NPY4R: variants seen among roughly 807,000 people sequenced by gnomAD.
NPY4R encodes neuropeptide Y receptor type 4.
A neutral mutation model predicts 11.9 loss-of-function variants in NPY4R; 2 were observed. The ratio of observed to expected loss-of-function variants is 0.17; its 90% confidence interval spans 0.07 to 0.53. The LOEUF is 0.53. NPY4R is among the 20% of genes least tolerant of loss of function. NPY4R has a pLI of 0.94. For missense variants in NPY4R, 26 were observed against 280.2 expected (o/e 0.09, Z 6.48); for synonymous variants, 8 against 121.7 (o/e 0.07, Z 6.15).
At chr10:46,464,320 G>A in intron 1 of NPY4R, among the ~76,000 whole-genome samples, 2 of 136,982 alleles carry the variant, frequency 1.5e-5, no homozygotes, top group South Asian at 2.3e-4. Flanking sequence ...AGTCAGCAGA[G>A]AGTGCACCAC....
At chr10:46,466,118 C>T (rs1250476602), upstream of NPY4R, among the ~76,000 whole-genome samples, 2 of 147,310 alleles carry the variant, frequency 1.4e-5, no homozygotes, top group African/African-American at 4.9e-5. Flanking sequence ...GCCCTGCCTG[C>T]GTGTGTCTCT....
At chr10:46,466,266 TTCTTTCTTTCTTTCTTTCTC>T (rs1841043762), upstream of NPY4R, among the ~76,000 whole-genome samples, 86 of 68,988 alleles carry the variant, frequency 1.2e-3, no homozygotes, top group African/African-American at 7.1e-3. Context: ...TTTCTTTCCT[TTCTTTCTTTCTTTCTTTCTC>T]TCTCTCTCTC....
At chr10:46,466,255 CTT>C (rs1426675586), upstream of NPY4R, among the ~76,000 whole-genome samples, 29 of 64,832 alleles carry the variant, frequency 4.5e-4, 2 homozygotes, top group African/African-American at 2.7e-3. Context: ...TTCTTTCTTT[CTT>C]TCTTTCCTTT....
upstream of NPY4R, among the ~76,000 whole-genome samples, chr10:46,468,181 A>G (rs529378242): frequency 4.2e-5 from 5 of 118,498 alleles, no homozygotes; most frequent in African/African-American, 1.4e-4. Flanking sequence ...TTCCTTCAGG[A>G]CCATAATGCC....
upstream of NPY4R, among the ~76,000 whole-genome samples, chr10:46,466,181 C>CTCTCTTTCTTTCTTTCTT (rs1283571743): frequency 1.4e-3 from 32 of 22,306 alleles, 2 homozygotes; most frequent in South Asian, 7.5e-3. Context: ...CTGTCTTTCT[C>CTCTCTTTCTTTCTTTCTT]TCTTTCTTTC....
intron 1 of NPY4R, among the ~76,000 whole-genome samples, chr10:46,464,427 G>C (rs1467035278): frequency 7.8e-5 from 9 of 115,544 alleles, no homozygotes; most frequent in African/African-American, 3.0e-4. Flanking sequence ...GAATTCACCT[G>C]ATAGTTTACA....
At chr10:46,466,175 CTT>C (rs1156316906), upstream of NPY4R, among the ~76,000 whole-genome samples, 23 of 15,018 alleles carry the variant, frequency 1.5e-3, no homozygotes, top group East Asian at 0.074. Context: ...GCTGCGCTGT[CTT>C]TCTCTCTTTC....
intron 1 of NPY4R, among the ~76,000 whole-genome samples, chr10:46,464,355 C>CGA (rs1554990594): frequency 2.0e-5 from 2 of 98,580 alleles, no homozygotes; most frequent in Non-Finnish European, 4.4e-5. Context: ...GGCAACAGAG[C>CGA]GAGACTCTGT....
intron 1 of NPY4R, among the ~76,000 whole-genome samples, 194 bp from the exon 2 acceptor site, chr10:46,464,079 C>T (rs1168016493): frequency 6.8e-6 from 1 of 146,984 alleles, no homozygotes; most frequent in East Asian, 2.0e-4. Context: ...AACCAGAGCT[C>T]AGTAAAATCT....
At chr10:46,466,263 CCTT>C (rs1841042630), upstream of NPY4R, among the ~76,000 whole-genome samples, 93 of 12,490 alleles carry the variant, frequency 7.4e-3, 3 homozygotes, top group African/African-American at 0.019. Context: ...TTCTTTCTTT[CCTT>C]TCTTTCTTTC....
chr10:46,466,235 CTTTCTTTCTTTCTTTCTTTCT>C (rs1841031064), upstream of NPY4R, among the ~76,000 whole-genome samples: 2 of 69,184 alleles, frequency 2.9e-5, no homozygotes, highest in Non-Finnish European at 5.5e-5. Context: ...TTCTTTCTTT[CTTTCTTTCTTTCTTTCTTTCT>C]TTCTTTCCTT....
At chr10:46,468,459 CA>C (rs1841118748), upstream of NPY4R, among the ~76,000 whole-genome samples, 3 of 121,842 alleles carry the variant, frequency 2.5e-5, no homozygotes, top group African/African-American at 1.1e-4. Flanking sequence ...AGCCAGGCTG[CA>C]TTCTGCCATC....
chr10:46,466,254 T>TC (rs1491411597), upstream of NPY4R, among the ~76,000 whole-genome samples: 9 of 66,334 alleles, frequency 1.4e-4, no homozygotes, highest in Non-Finnish European at 2.3e-4. Flanking sequence ...TTTCTTTCTT[T>TC]CTTTCTTTCC....
chr10:46,466,227 C>CT (rs1222790736), upstream of NPY4R, among the ~76,000 whole-genome samples: 171 of 67,258 alleles, frequency 2.5e-3, 9 homozygotes, highest in African/African-American at 0.014. Flanking sequence ...TTCTTTCTTT[C>CT]TTTCTTTCTT....
At chr10:46,466,248 TTTCTTTCTTTCTTTCCTTTCTTTCTTTC>T (rs1841035601), upstream of NPY4R, among the ~76,000 whole-genome samples, 14 of 72,178 alleles carry the variant, frequency 1.9e-4, no homozygotes, top group African/African-American at 7.1e-4. Context: ...TCTTTCTTTC[TTTCTTTCTTTCTTTCCTTTCTTTCTTTC>T]TTTCTTTCTC....
upstream of NPY4R, among the ~76,000 whole-genome samples, chr10:46,466,237 TTC>T (rs1841031412): frequency 1.5e-5 from 1 of 67,472 alleles, no homozygotes; most frequent in African/African-American, 8.6e-5. Flanking sequence ...CTTTCTTTCT[TTC>T]TTTCTTTCTT....
chr10:46,461,684 T>C lies in NPY4R; in HGVS notation c.952A>G (p.Asn318Asp), dbSNP rs149412082. 6.7e-5 allele frequency: 21 copies of C among 314,496 alleles called. No individual in the cohort carries two copies. The African/African-American group carries it at 3.5e-3, about 53-fold the overall frequency. 19.5% of individuals were successfully genotyped at this position (314,496 alleles called of 1,614,324 possible). ...HLLAMASTCV[N>D]PFIYGFLNTN... ...TTGAGAAAGCCATAGATGAATGGGT[T>C]GACACAGGTGGAGGCCATGGCAAGC... is the stretch of plus-strand genomic sequence containing the variant. The change falls in exon 3 of 3, where the codon AAC becomes GAC. Residue 318 changes from asparagine to aspartate, a missense_variant. By Grantham distance (23) the Asn-to-Asp change is conservative (BLOSUM62 1). Coordinates refer to ENST00000374312, the MANE Select transcript of NPY4R (RefSeq NM_005972.6).
upstream of NPY4R, among the ~76,000 whole-genome samples, chr10:46,466,260 TTTCC>T (rs1841041331): frequency 0.061 from 3,970 of 65,080 alleles, 519 homozygotes; most frequent in African/African-American, 0.16. Context: ...TCTTTCTTTC[TTTCC>T]TTTCTTTCTT....
At chr10:46,466,236 T>TTCC (rs1841031235), upstream of NPY4R, among the ~76,000 whole-genome samples, 1 of 70,300 alleles carries the variant, frequency 1.4e-5, no homozygotes, top group Non-Finnish European at 2.7e-5. Context: ...TCTTTCTTTC[T>TTCC]TTCTTTCTTT....
Sources: allele counts gnomAD v4.1 joint callset (sites outside exome capture counted in the v4.1 genomes callset), GRCh38; gene constraint gnomAD v4.1.1; transcripts MANE v1.5; gene names NCBI Gene and HGNC (gene_info 2026-07-23, HGNC 2026-07-21).